The following NRXN1 variants were observed in gnomAD, a reference collection of about 807,000 sequenced individuals.
The protein encoded by NRXN1 is neurexin 1, also known as neurexin-1.
In NRXN1, 39 loss-of-function variants were observed where a neutral mutation model predicts 150.9. That is an observed-to-expected ratio of 0.26 (90% CI 0.20 to 0.34). NRXN1 has a LOEUF of 0.34. Ranked by LOEUF, NRXN1 falls within the 10% of genes least tolerant of loss-of-function variation. NRXN1 has a pLI of 1.00. For missense variants in NRXN1, 1,815 were observed against 1,949.9 expected (o/e 0.93, Z 1.30); for synonymous variants, 924 against 757.0 (o/e 1.22, Z -3.62).
intron 2 of NRXN1, among the ~76,000 whole-genome samples, chr2:50,940,741 G>T (rs752970889): frequency 1.3e-5 from 2 of 151,976 alleles, no homozygotes; most frequent in Non-Finnish European, 2.9e-5. Context: ...TCTAAGGTTT[G>T]GTTTTGTTTT....
chr2:50,563,827 T>C (rs1298654267), intron 8 of NRXN1, among the ~76,000 whole-genome samples: 1 of 152,218 alleles, frequency 6.6e-6, no homozygotes, highest in East Asian at 1.9e-4. Flanking sequence ...ATCCAGTTGG[T>C]GGATTATCCA....
At position 49,922,197 on chromosome 2, in the gene NRXN1, A is replaced by C. The variant is rs2103999098; in HGVS notation, c.4271T>G (p.Ile1424Ser). 1 of 1,614,134 alleles carries C rather than the reference A, an allele frequency of 6.2e-7. No homozygotes were observed. The highest frequency in any genetic ancestry group is 1.1e-5 in the South Asian group (1 of 91,076). Residue 1424 changes from isoleucine (I) to serine (S), a missense_variant, in exon 23 of 23, where the codon ATC becomes AGC. Ile to Ser is a moderately radical substitution (Grantham distance 142). Around this residue, in one of 6 missense-constraint regions of NRXN1, gnomAD observed 265 missense variants for 307.1 expected, o/e 0.86. Transcript: ENST00000401669. ...ACCCGTGGTGCTGCTGGACTCCCGG[A>C]TCACTTCTGCTGAGCCTGGATACGG... ...REPYPGSAEV[I>S]RESSSTTGMV...
intron 16 of NRXN1, among the ~76,000 whole-genome samples, chr2:50,469,081 G>T (rs1014365861): frequency 6.6e-6 from 1 of 151,486 alleles, no homozygotes; most frequent in Non-Finnish European, 1.5e-5. Context: ...CCAAAGTATG[G>T]TCTCCAGTAT....
intron 17 of NRXN1, among the ~76,000 whole-genome samples, chr2:50,288,066 C>A (rs1383000713): frequency 6.6e-6 from 1 of 152,034 alleles, no homozygotes; most frequent in Non-Finnish European, 1.5e-5. Context: ...GAGGCTTTAT[C>A]CAGTGGAAAA....
At chr2:50,243,932 G>C (rs918230715) in intron 17 of NRXN1, among the ~76,000 whole-genome samples, 3 of 151,684 alleles carry the variant, frequency 2.0e-5, no homozygotes, top group Non-Finnish European at 2.9e-5. Context: ...ATAACTAAAA[G>C]TTACTGTGAT....
intron 21 of NRXN1, among the ~76,000 whole-genome samples, chr2:49,950,017 G>A (rs1342997560): frequency 6.6e-6 from 1 of 151,702 alleles, no homozygotes; most frequent in Non-Finnish European, 1.5e-5. Context: ...CAGGATTCAG[G>A]ATTAGTATCA....
At chr2:50,478,562 G>A (rs914231115) in intron 15 of NRXN1, among the ~76,000 whole-genome samples, 7 of 151,256 alleles carry the variant, frequency 4.6e-5, no homozygotes, top group Non-Finnish European at 1.0e-4. Flanking sequence ...TTGATTTATT[G>A]TTTTTTAACT....
At chr2:50,554,160 ATATATG>A (rs898792480) in intron 8 of NRXN1, among the ~76,000 whole-genome samples, 2 of 152,056 alleles carry the variant, frequency 1.3e-5, no homozygotes, top group African/African-American at 4.8e-5. Context: ...GTACATATAT[ATATATG>A]TATATGTATA....
chr2:50,003,270 A>T (rs1284962587), intron 21 of NRXN1, among the ~76,000 whole-genome samples: 1 of 152,142 alleles, frequency 6.6e-6, no homozygotes, highest in East Asian at 1.9e-4. Flanking sequence ...ATAGCTTGTT[A>T]AGATTATAGA....
chr2:50,996,168 G>A (rs966031294), intron 2 of NRXN1, among the ~76,000 whole-genome samples: 6 of 152,104 alleles, frequency 3.9e-5, no homozygotes, highest in Non-Finnish European at 5.9e-5. Context: ...CTCAAAAGAT[G>A]TTAAATGGGC....
At chr2:50,743,283 G>A (rs1243310296) in intron 5 of NRXN1, among the ~76,000 whole-genome samples, 5 of 152,116 alleles carry the variant, frequency 3.3e-5, no homozygotes, top group African/African-American at 1.2e-4. Context: ...GGAATTATGA[G>A]CTATGCACTT....
chr2:50,433,035 C>T (rs748705139), intron 17 of NRXN1, among the ~76,000 whole-genome samples: 19 of 152,202 alleles, frequency 1.2e-4, no homozygotes, highest in Non-Finnish European at 2.4e-4. Flanking sequence ...GAATTTCCTC[C>T]TTAATAAAAA....
At chr2:50,832,355 A>G (rs1164242431) in intron 5 of NRXN1, among the ~76,000 whole-genome samples, 8 of 152,154 alleles carry the variant, frequency 5.3e-5, no homozygotes, top group Admixed American at 4.6e-4. Context: ...AAGACACTGA[A>G]AAAATGACAT....
intron 2 of NRXN1, among the ~76,000 whole-genome samples, chr2:51,016,742 T>C (rs149026206): frequency 0.099 from 14,996 of 152,170 alleles, 1,422 homozygotes; most frequent in East Asian, 0.44. Context: ...GACCCAGCAA[T>C]CTCATTACTG....
intron 17 of NRXN1, among the ~76,000 whole-genome samples, chr2:50,351,637 C>T (rs2078420288): frequency 6.6e-6 from 1 of 152,034 alleles, no homozygotes; most frequent in South Asian, 2.1e-4. Context: ...GGAATGGTTC[C>T]ATAATAATAG....
chr2:50,449,722 T>G (rs1404336969), intron 17 of NRXN1, among the ~76,000 whole-genome samples: 1 of 152,190 alleles, frequency 6.6e-6, no homozygotes, highest in African/African-American at 2.4e-5. Flanking sequence ...CTTCATAAAT[T>G]GTCCCATAAT....
At chr2:50,538,689 T>C in intron 9 of NRXN1, 53 bp from the exon 10 acceptor site, 2 of 1,370,886 alleles carry the variant, frequency 1.5e-6, no homozygotes, top group Non-Finnish European at 1.9e-6. Context: ...CAACGTGTTA[T>C]AATTATCTTT....
chr2:49,999,571 T>A (rs761987101), intron 21 of NRXN1, among the ~76,000 whole-genome samples: 13 of 152,164 alleles, frequency 8.5e-5, no homozygotes, highest in Non-Finnish European at 1.8e-4. Context: ...CTTTGTTGCA[T>A]CAATTTTTCA....
chr2:50,338,222 T>C (rs2077316232), intron 17 of NRXN1, among the ~76,000 whole-genome samples: 1 of 152,210 alleles, frequency 6.6e-6, no homozygotes, highest in Non-Finnish European at 1.5e-5. Flanking sequence ...ATACAGCACA[T>C]TGTGATTTTG....
Sources: gnomAD v4.1 joint callset for allele counts (sites outside exome capture counted in the v4.1 genomes callset) on GRCh38, gnomAD v4.1.1 for gene constraint, gnomAD v4.1.1 regional missense constraint, MANE v1.5 for transcripts, NCBI Gene and HGNC (gene_info 2026-07-23, HGNC 2026-07-21) for gene names.